Variants in MTUS2 observed in about 807,000 individuals in gnomAD.
MTUS2 encodes microtubule-associated tumor suppressor candidate 2.
A neutral mutation model predicts 114.1 loss-of-function variants in MTUS2; 40 were observed. The observed-to-expected ratio is 0.35, with a 90% CI of 0.27 to 0.46. MTUS2 has a LOEUF of 0.46. Ranked by LOEUF, MTUS2 falls within the 20% of genes least tolerant of loss-of-function variation. MTUS2 has a pLI of 1.00. For synonymous variants in MTUS2, 688 were observed against 672.0 expected (o/e 1.02, Z -0.37); for missense variants, 1,679 against 1,705.4 (o/e 0.98, Z 0.27).
intron 9 of MTUS2, among the ~76,000 whole-genome samples, chr13:29,479,013 G>T (rs1880943271): frequency 6.6e-6 from 1 of 152,152 alleles, no homozygotes. Flanking sequence ...CCTTTAATTA[G>T]CTGCCTCTAT....
chr13:28,828,614 G>A (rs531273287), intron 1 of MTUS2, among the ~76,000 whole-genome samples: 3 of 151,972 alleles, frequency 2.0e-5, no homozygotes, highest in East Asian at 1.9e-4. Flanking sequence ...GGCTTCAGCC[G>A]GTCCCTCCGT....
chr13:29,061,579 T>C (rs1888420964), intron 4 of MTUS2, among the ~76,000 whole-genome samples: 1 of 115,768 alleles, frequency 8.6e-6, no homozygotes, highest in Non-Finnish European at 1.8e-5. Flanking sequence ...ACATTCTAGC[T>C]GCCTTGACCT....
At chr13:29,017,057 G>A (rs1052864342) in intron 2 of MTUS2, among the ~76,000 whole-genome samples, 1 of 152,110 alleles carries the variant, frequency 6.6e-6, no homozygotes, top group Non-Finnish European at 1.5e-5. Context: ...AAACATGGAG[G>A]TATTATTACC....
chr13:28,922,868 A>G (rs756160090), intron 2 of MTUS2, among the ~76,000 whole-genome samples: 2 of 152,142 alleles, frequency 1.3e-5, no homozygotes, highest in Non-Finnish European at 2.9e-5. Context: ...TGTTGGGGGA[A>G]CAAATCGTGT....
At chr13:28,982,024 C>T (rs1490193599) in intron 2 of MTUS2, among the ~76,000 whole-genome samples, 1 of 152,170 alleles carries the variant, frequency 6.6e-6, no homozygotes, top group African/African-American at 2.4e-5. Flanking sequence ...AGGATTCTTA[C>T]ATGGTGAATC....
At chr13:29,456,940 A>G (rs930734378) in intron 9 of MTUS2, among the ~76,000 whole-genome samples, 2 of 151,978 alleles carry the variant, frequency 1.3e-5, no homozygotes, top group Non-Finnish European at 2.9e-5. Context: ...GATGGAGACC[A>G]TCCTGGCTAA....
chr13:29,298,058 C>G (rs879384421), intron 6 of MTUS2, among the ~76,000 whole-genome samples: 2 of 152,190 alleles, frequency 1.3e-5, no homozygotes, highest in Non-Finnish European at 2.9e-5. Context: ...TAATTTTACA[C>G]TAATAGTGGG....
At chr13:29,226,604 C>A (rs977308185) in intron 5 of MTUS2, among the ~76,000 whole-genome samples, 2 of 151,782 alleles carry the variant, frequency 1.3e-5, no homozygotes, top group Non-Finnish European at 1.5e-5. Flanking sequence ...TTCTCCAAAG[C>A]TTTTAAGACT....
chr13:29,153,888 A>C (rs1384843759), intron 5 of MTUS2, among the ~76,000 whole-genome samples: 1 of 152,250 alleles, frequency 6.6e-6, no homozygotes, highest in Admixed American at 6.5e-5. Flanking sequence ...TAATAGAAGT[A>C]TGCAGCTGTT....
intron 9 of MTUS2, among the ~76,000 whole-genome samples, chr13:29,449,899 C>A (rs1878567670): frequency 6.6e-6 from 1 of 152,226 alleles, no homozygotes; most frequent in South Asian, 2.1e-4. Flanking sequence ...CTTAAGGCAG[C>A]TGTTCATTTC....
chr13:29,215,691 G>A (rs1324558545), intron 5 of MTUS2, among the ~76,000 whole-genome samples: 1 of 152,076 alleles, frequency 6.6e-6, no homozygotes, highest in East Asian at 1.9e-4. Flanking sequence ...CTTTTTGTGG[G>A]TATCACTGGC....
In MTUS2 at chr13:29,060,159, C is replaced by A. The variant is rs535285301; in HGVS notation, c.2446+26034C>A. 3.3e-4 allele frequency among the ~76,000 whole-genome samples: 50 copies of A among 152,356 alleles called. No individual in the cohort carries two copies. In the South Asian group the frequency reaches 9.9e-3, roughly 30 times the overall value. ...CAGCAGTCTTACTGCTCCCAAGCAC[C>A]ATGACTGTGGCCTCTATTGGGGCTA... On this transcript the variant is annotated intron_variant, in intron 4 of 15. Transcript: ENST00000612955.
intron 5 of MTUS2, among the ~76,000 whole-genome samples, chr13:29,246,792 G>C (rs1436460880): frequency 6.6e-6 from 1 of 152,028 alleles, no homozygotes; most frequent in Non-Finnish European, 1.5e-5. Flanking sequence ...CCATGTTCAT[G>C]GATGGGTAGA....
At chr13:28,866,405 A>G (rs1487924097) in intron 2 of MTUS2, among the ~76,000 whole-genome samples, 1 of 152,186 alleles carries the variant, frequency 6.6e-6, no homozygotes, top group African/African-American at 2.4e-5. Context: ...CACGGAGAGC[A>G]TGATAGTAGC....
At chr13:28,998,419 C>T (rs138073228) in intron 2 of MTUS2, among the ~76,000 whole-genome samples, 2,700 of 152,136 alleles carry the variant, frequency 0.018, 83 homozygotes, top group African/African-American at 0.061. Flanking sequence ...CTGTATTTCC[C>T]GAATTTGAAT....
At chr13:28,830,224 T>A (rs1263352164) in intron 1 of MTUS2, among the ~76,000 whole-genome samples, 7 of 152,182 alleles carry the variant, frequency 4.6e-5, no homozygotes, top group South Asian at 2.1e-4. Context: ...CATATTTTTT[T>A]AAATCCAGTT....
chr13:29,385,120 C>T (rs1872547202), intron 8 of MTUS2, among the ~76,000 whole-genome samples: 1 of 152,148 alleles, frequency 6.6e-6, no homozygotes, highest in African/African-American at 2.4e-5. Context: ...GTTGTTGGTA[C>T]AAGATAAAGT....
At chr13:28,857,475 G>C (rs1198844714) in intron 2 of MTUS2, among the ~76,000 whole-genome samples, 3 of 152,180 alleles carry the variant, frequency 2.0e-5, no homozygotes, top group Non-Finnish European at 4.4e-5. Context: ...GTGGAGTGGG[G>C]TATCCAGGAA....
At chr13:29,333,554 G>T (rs1900901736) in intron 7 of MTUS2, among the ~76,000 whole-genome samples, 1 of 152,152 alleles carries the variant, frequency 6.6e-6, no homozygotes, top group African/African-American at 2.4e-5. Flanking sequence ...CTGAGAGACT[G>T]TTTCTTAGGA....
Sources: allele counts gnomAD v4.1 joint callset (sites outside exome capture counted in the v4.1 genomes callset), GRCh38; gene constraint gnomAD v4.1.1; transcripts MANE v1.5; gene names NCBI Gene and HGNC (gene_info 2026-07-23, HGNC 2026-07-21).